PNRC2: variants seen among roughly 807,000 people sequenced by gnomAD.
PNRC2 encodes the protein proline rich nuclear receptor coactivator 2.
PNRC2 carries 2 observed loss-of-function variants against 12.2 expected under a neutral mutation model. That is an observed-to-expected ratio of 0.16 (90% CI 0.07 to 0.52). The LOEUF is 0.52. Ranked by LOEUF, PNRC2 falls within the 20% of genes least tolerant of loss-of-function variation. The probability of loss-of-function intolerance (pLI) is 0.95; values close to 1 mark genes in which losing one functional copy is unlikely to be tolerated. For missense variants in PNRC2, 115 were observed against 158.4 expected, an observed-to-expected ratio of 0.73 and a Z score of 1.47; for synonymous variants, 44 against 53.9, an observed-to-expected ratio of 0.82 and a Z score of 0.80.
At chr1:23,961,283 A>ACG (rs2148487690) in intron 2 of PNRC2, 149 bp downstream of exon 2, 1 of 537,344 alleles carries the variant, frequency 1.9e-6, no homozygotes, top group East Asian at 2.9e-5. Context: ...TGAAGTCTGA[A>ACG]CGGCTTGCTT....
chr1:23,961,185 T>G, intron 2 of PNRC2, 51 bp downstream of exon 2: 1 of 438,644 alleles, frequency 2.3e-6, no homozygotes, highest in Admixed American at 3.8e-5. Flanking sequence ...CCTAAACCAA[T>G]TGTTTTTATT....
At chr1:23,960,022 C>G (rs976997503) in intron 1 of PNRC2, 24 bp downstream of exon 1, 6 of 152,192 alleles carry the variant, frequency 3.9e-5, no homozygotes, top group Non-Finnish European at 1.5e-5. Context: ...GCGCTAAGGG[C>G]GCGGCCATGT....
Position 23,960,917 on chromosome 1 carries a change from T to C in PNRC2, c.-224-12T>C, listed in dbSNP as rs943780189. The C allele has an allele frequency of 2.5e-6, 1 of 398,922 alleles. No homozygotes were observed. Among genetic ancestry groups the C allele is most frequent in the South Asian group, 1.3e-4 (1 of 7,734 alleles). 24.7% of individuals were successfully genotyped at this position (398,922 alleles called of 1,614,324 possible). A position where few individuals can be genotyped will look rare whatever the true frequency, so the allele number is the denominator to read the frequency against. On this transcript the variant is annotated splice_polypyrimidine_tract_variant and intron_variant, in intron 1 of 2. Coordinates refer to ENST00000334351, the MANE Select transcript of PNRC2 (RefSeq NM_017761.4). The stretch of plus-strand genomic sequence containing the variant: ...TGTTTTTGAAATAATGAAGTAATCT[T>C]TACTTTTCTAGCTAGGACTTCTCTC...
rs1418649661 is a variant in PNRC2 at position 23,962,871 on chromosome 1, AAAGT to A, written c.*997_*1000del. On this transcript the variant is annotated 3_prime_UTR_variant, in exon 3 of 3. Transcript: ENST00000334351. ...TTGATTTGGTTGTAAACTATATTTC[AAAGT>A]AAACCCTAGTGTAATAAGTTTTATA... 6.0e-6 allele frequency: 1 copy of A among 166,814 alleles called. No homozygotes were observed. The highest frequency in any genetic ancestry group is 2.4e-5 in the African/African-American group (1 of 41,402). 10.3% of individuals were successfully genotyped at this position (166,814 alleles called of 1,614,324 possible).
In PNRC2 at chr1:23,961,996, C is replaced by G; in HGVS notation, c.*119C>G. 1 of 635,596 alleles carries G rather than the reference C, an allele frequency of 1.6e-6. No individual in the cohort carries two copies. The allele number at this position is 635,596 out of a possible 1,614,324, so 39.4% of individuals were successfully genotyped here. ...TTAATGTAAAAAAAATAGACCATCT[C>G]GTGTTGTGTGCACTGTGATATAATG... On this transcript the variant is annotated 3_prime_UTR_variant, in exon 3 of 3. Coordinates refer to ENST00000334351, the MANE Select transcript of PNRC2 (RefSeq NM_017761.4).
rs1337529280 is a variant in PNRC2 at position 23,961,445 on chromosome 1, AAAG to A, written c.-9_-7del. On this transcript the variant is annotated 5_prime_UTR_variant, in exon 3 of 3. Coordinates refer to ENST00000334351, the MANE Select transcript of PNRC2 (RefSeq NM_017761.4). ...TTGTTTCCATTCACTTGTAGGTGAC[AAAG>A]AAGCTGAAGATGGGTGGTGGAGAGA... is the stretch of plus-strand genomic sequence containing the variant. 41 of 1,570,766 alleles carry A rather than the reference AAAG, an allele frequency of 2.6e-5. No individual in the cohort carries two copies. The highest frequency in any genetic ancestry group is 1.7e-4 in the Middle Eastern group (1 of 5,836).
At chr1:23,959,609 G>A (rs377558961), upstream of PNRC2, among the ~76,000 whole-genome samples, 15 of 152,312 alleles carry the variant, frequency 9.8e-5, no homozygotes, top group Middle Eastern at 3.4e-3. Context: ...GCCGGAGAAA[G>A]GACTAAGACA....
rs1456084356 is a variant in PNRC2, at chr1:23,963,014, T to C, written c.*1137T>C. On this transcript the variant is annotated 3_prime_UTR_variant, in exon 3 of 3. Coordinates refer to ENST00000334351, the MANE Select transcript of PNRC2 (RefSeq NM_017761.4). ...ATTAACTAGAGTCCCTCCAACCTTA[T>C]AGATTGTTGGCTTTCACAATCTTAT... The C allele has an allele frequency of 2.4e-5, 4 of 167,064 alleles. No homozygotes were observed. Among genetic ancestry groups the C allele is most frequent in the South Asian group, 2.1e-4 (1 of 4,832 alleles). The allele number at this position is 167,064 out of a possible 1,614,324, so 10.3% of individuals were successfully genotyped here.
chr1:23,963,238 TTTGA>T lies in PNRC2; in HGVS notation c.*1365_*1368del, dbSNP rs1016505778. On this transcript the variant is annotated 3_prime_UTR_variant, in exon 3 of 3. Coordinates refer to ENST00000334351, the MANE Select transcript of PNRC2 (RefSeq NM_017761.4). Reference sequence around the variant, plus strand: ...CAAGTATGTGGGTCAGCTTAAAAATTTTGATTGTTAATGCCCTATTTTCTAATTT... The same window carrying T: ...CAAGTATGTGGGTCAGCTTAAAAATTTTGTTAATGCCCTATTTTCTAATTT... The T allele has an allele frequency of 1.2e-5, 2 of 167,088 alleles. No individual in the cohort carries two copies. Among genetic ancestry groups the T allele is most frequent in the East Asian group, 1.9e-4 (1 of 5,188 alleles). The allele number at this position is 167,088 out of a possible 1,614,324, so 10.4% of individuals were successfully genotyped here. A position where few individuals can be genotyped will look rare whatever the true frequency, so the allele number is the denominator to read the frequency against.
In PNRC2 at chr1:23,961,996, C is replaced by T. The variant is rs1172548131; in HGVS notation, c.*119C>T. 53 of 635,478 alleles carry T rather than the reference C, an allele frequency of 8.3e-5. No individual in the cohort carries two copies. Among genetic ancestry groups the T allele is most frequent in the Admixed American group, 1.2e-4 (4 of 33,886 alleles). 39.4% of individuals were successfully genotyped at this position (635,478 alleles called of 1,614,324 possible). ...TTAATGTAAAAAAAATAGACCATCT[C>T]GTGTTGTGTGCACTGTGATATAATG... On this transcript the variant is annotated 3_prime_UTR_variant, in exon 3 of 3. Coordinates refer to ENST00000334351, the MANE Select transcript of PNRC2 (RefSeq NM_017761.4).
rs1175170432 is a variant in PNRC2, at chr1:23,963,429, AT to A, written c.*1557del. The A allele has an allele frequency of 1.2e-5, 2 of 165,852 alleles. No individual in the cohort carries two copies. The highest frequency in any genetic ancestry group is 2.4e-5 in the African/African-American group (1 of 41,402). 10.3% of individuals were successfully genotyped at this position (165,852 alleles called of 1,614,324 possible). Reference sequence around the variant, plus strand: ...AATGTGAAGCATAAAATTAAATAAAATTTTTCCCCATTGGCTTGGTTTTATT... The same window carrying A: ...AATGTGAAGCATAAAATTAAATAAAATTTTCCCCATTGGCTTGGTTTTATT... On this transcript the variant is annotated 3_prime_UTR_variant, in exon 3 of 3. Coordinates refer to ENST00000334351, the MANE Select transcript of PNRC2 (RefSeq NM_017761.4).
chr1:23,960,611 T>C (rs1385979819), intron 1 of PNRC2, among the ~76,000 whole-genome samples: 1 of 152,350 alleles, frequency 6.6e-6, no homozygotes, highest in African/African-American at 2.4e-5. Flanking sequence ...TTTTTTGATA[T>C]GACTCAACAT....
chr1:23,961,751 T>C lies in PNRC2; in HGVS notation c.294T>C (p.Phe98=), dbSNP rs1228064126. ...ATCAGAACTATGCTGGTGCCAAATT[T>C]AGTGAGCCGCCATCACCAAGTGTTC... The part of the protein sequence containing the change: ...QANQNYAGAK[F]SEPPSPSVLP... The change falls in exon 3 of 3, where the codon TTT becomes TTC. Residue 98 remains phenylalanine (F), a synonymous_variant. Coordinates refer to ENST00000334351, the MANE Select transcript of PNRC2 (RefSeq NM_017761.4). The C allele has an allele frequency of 6.2e-7, 1 of 1,614,004 alleles. No individual in the cohort carries two copies.
In PNRC2 at chr1:23,962,231, G is replaced by A. The variant is rs576986974; in HGVS notation, c.*354G>A. On this transcript the variant is annotated 3_prime_UTR_variant, in exon 3 of 3. Coordinates refer to ENST00000334351, the MANE Select transcript of PNRC2 (RefSeq NM_017761.4). ...GATTATAAGCTTCTAGCTAACACAA[G>A]GATTCAGAATTAGGTAAACATCTGA... 147 of 191,816 alleles carry A rather than the reference G, an allele frequency of 7.7e-4. No individual in the cohort carries two copies. Among genetic ancestry groups the A allele is most frequent in the African/African-American group, 3.2e-3 (136 of 42,016 alleles). 11.9% of individuals were successfully genotyped at this position (191,816 alleles called of 1,614,324 possible). A position where few individuals can be genotyped will look rare whatever the true frequency, so the allele number is the denominator to read the frequency against.
upstream of PNRC2, among the ~76,000 whole-genome samples, chr1:23,959,532 G>C (rs1641236591): frequency 6.6e-6 from 1 of 152,160 alleles, no homozygotes; most frequent in Non-Finnish European, 1.5e-5. Flanking sequence ...GCGCACGAGA[G>C]CCGAGCGGTA....
chr1:23,963,419 A>G lies in PNRC2; in HGVS notation c.*1542A>G, dbSNP rs1482098983. The G allele has an allele frequency of 1.2e-5, 2 of 166,236 alleles. No homozygotes were observed. Among genetic ancestry groups the G allele is most frequent in the Non-Finnish European group, 2.9e-5 (2 of 67,980 alleles). 10.3% of individuals were successfully genotyped at this position (166,236 alleles called of 1,614,324 possible). A position where few individuals can be genotyped will look rare whatever the true frequency, so the allele number is the denominator to read the frequency against. ...ACATGATATGAATGTGAAGCATAAAATTAAATAAAATTTTTCCCCATTGGC... is the reference window on the plus strand; with the variant it reads ...ACATGATATGAATGTGAAGCATAAAGTTAAATAAAATTTTTCCCCATTGGC... On this transcript the variant is annotated 3_prime_UTR_variant, in exon 3 of 3. Transcript: ENST00000334351.
chr1:23,962,105 T>G lies in PNRC2; in HGVS notation c.*228T>G, dbSNP rs1641291673. 1.0e-5 allele frequency: 4 copies of G among 390,630 alleles called. No individual in the cohort carries two copies. In the South Asian group the frequency reaches 1.9e-4, roughly 19 times the overall value. The allele number at this position is 390,630 out of a possible 1,614,324, so 24.2% of individuals were successfully genotyped here. A position where few individuals can be genotyped will look rare whatever the true frequency, so the allele number is the denominator to read the frequency against. ...GTAACTTTTAAGTGGAAACCAAGTT[T>G]AGATTTGGGGAGTGGTAAAGGAATC... On this transcript the variant is annotated 3_prime_UTR_variant, in exon 3 of 3. Transcript: ENST00000334351.
Position 23,959,839 on chromosome 1 carries a change from CAGA to C in PNRC2, c.-381_-379del, listed in dbSNP as rs1405952306. 4 of 152,336 alleles carry C rather than the reference CAGA, an allele frequency of 2.6e-5. No homozygotes were observed. The highest frequency in any genetic ancestry group is 7.2e-5 in the African/African-American group (3 of 41,464). The allele number at this position is 152,336 out of a possible 1,614,324, so 9.4% of individuals were successfully genotyped here. A position where few individuals can be genotyped will look rare whatever the true frequency, so the allele number is the denominator to read the frequency against. On this transcript the variant is annotated 5_prime_UTR_variant, in exon 1 of 3. Coordinates refer to ENST00000334351, the MANE Select transcript of PNRC2 (RefSeq NM_017761.4). ...GCCGACTCCATTTTGTCGGTAGAGG[CAGA>C]AGGAGAAGGTCGGGTTGTAGAAGCT...
rs1641245520 is a variant in PNRC2, at chr1:23,960,018, AG to A, written c.-225+23del. On this transcript the variant is annotated intron_variant, in intron 1 of 2. Coordinates refer to ENST00000334351, the MANE Select transcript of PNRC2 (RefSeq NM_017761.4). ...AAGTCAGTAAGTAGCGGCTGCGCTA[AG>A]GGCGCGGCCATGTTGGTGGCCGCGC... is the stretch of plus-strand genomic sequence containing the variant. The A allele has an allele frequency of 6.6e-6, 1 of 152,232 alleles. No individual in the cohort carries two copies. The highest frequency in any genetic ancestry group is 2.4e-5 in the African/African-American group (1 of 41,472). The allele number at this position is 152,232 out of a possible 1,614,324, so 9.4% of individuals were successfully genotyped here.
Sources: gnomAD v4.1 joint callset for allele counts (sites outside exome capture counted in the v4.1 genomes callset) on GRCh38, gnomAD v4.1.1 for gene constraint, MANE v1.5 for transcripts, NCBI Gene and HGNC (gene_info 2026-07-23, HGNC 2026-07-21) for gene names.